PCDH15: variants seen among roughly 807,000 people sequenced by gnomAD.
The protein encoded by PCDH15 is protocadherin-15.
A neutral mutation model predicts 178.5 loss-of-function variants in PCDH15; 129 were observed. The ratio of observed to expected loss-of-function variants is 0.72; its 90% CI spans 0.63 to 0.84. The LOEUF (loss-of-function observed/expected upper bound fraction) is 0.84, where lower values mean the gene tolerates loss of function less well. Ranked by LOEUF, PCDH15 falls within the 40% of genes least tolerant of loss-of-function variation. PCDH15 has a pLI of 0.00. For synonymous variants in PCDH15, 800 were observed against 732.0 expected (o/e 1.09, Z -1.50); for missense variants, 2,230 against 2,099.9 (o/e 1.06, Z -1.21).
intron 2 of PCDH15, among the ~76,000 whole-genome samples, chr10:55,453,887 G>C (rs1839489669): frequency 6.6e-6 from 1 of 152,116 alleles, no homozygotes; most frequent in Admixed American, 6.5e-5. Flanking sequence ...GCTATATCTG[G>C]AGAATCTAAG....
chr10:55,297,371 G>C (rs1843159697), intron 1 of PCDH15, among the ~76,000 whole-genome samples: 1 of 152,048 alleles, frequency 6.6e-6, no homozygotes, highest in Non-Finnish European at 1.5e-5. Flanking sequence ...ACATTAAAAT[G>C]TGTTTAAATC....
chr10:54,873,895 T>C (rs1234824747), intron 3 of PCDH15, among the ~76,000 whole-genome samples: 19 of 150,422 alleles, frequency 1.3e-4, no homozygotes, highest in Admixed American at 1.3e-3. Flanking sequence ...ATAAATAGAT[T>C]TTGAAACTGT....
intron 3 of PCDH15, among the ~76,000 whole-genome samples, chr10:54,851,182 G>T (rs1020828505): frequency 2.0e-5 from 3 of 151,894 alleles, no homozygotes; most frequent in African/African-American, 7.3e-5. Context: ...TCTCCACAAC[G>T]TAATCATTAC....
At chr10:54,643,954 G>T (rs2094058448) in intron 2 of PCDH15, among the ~76,000 whole-genome samples, 1 of 134,780 alleles carries the variant, frequency 7.4e-6, no homozygotes, top group African/African-American at 2.7e-5. Flanking sequence ...ATCTCCTAAT[G>T]CTAACCCTCC....
intron 2 of PCDH15, among the ~76,000 whole-genome samples, chr10:54,551,524 A>G (rs896878289): frequency 2.0e-5 from 3 of 152,124 alleles, no homozygotes; most frequent in Non-Finnish European, 4.4e-5. Context: ...AAAATATTAT[A>G]AAAATAGCTA....
chr10:55,623,076 G>C (rs2250475), intron 2 of PCDH15, among the ~76,000 whole-genome samples: 3 of 151,974 alleles, frequency 2.0e-5, no homozygotes, highest in Non-Finnish European at 2.9e-5. Context: ...TGACCTTTCC[G>C]AAGTATCGCT....
chr10:54,283,029 A>T (rs2058798729), intron 8 of PCDH15, among the ~76,000 whole-genome samples: 1 of 152,140 alleles, frequency 6.6e-6, no homozygotes, highest in African/African-American at 2.4e-5. Context: ...AAGAGTAGGG[A>T]TATATAGAAA....
chr10:54,373,964 C>G (rs1948053321), intron 4 of PCDH15, among the ~76,000 whole-genome samples: 1 of 151,944 alleles, frequency 6.6e-6, no homozygotes, highest in Non-Finnish European at 1.5e-5. Flanking sequence ...CATTAGTTTT[C>G]TTAGTTTGTA....
chr10:54,875,223 T>A (rs1276066772), intron 3 of PCDH15, among the ~76,000 whole-genome samples: 3 of 152,196 alleles, frequency 2.0e-5, no homozygotes, highest in African/African-American at 7.2e-5. Context: ...TGATCTTTGA[T>A]GTTACTATTG....
At chr10:54,613,845 T>C (rs902153682) in intron 2 of PCDH15, among the ~76,000 whole-genome samples, 1 of 151,710 alleles carries the variant, frequency 6.6e-6, no homozygotes, top group Non-Finnish European at 1.5e-5. Context: ...AAAACAATAA[T>C]CCAAATTTGT....
intron 2 of PCDH15, among the ~76,000 whole-genome samples, chr10:55,083,598 T>A (rs969794029): frequency 6.6e-6 from 1 of 151,762 alleles, no homozygotes; most frequent in African/African-American, 2.4e-5. Context: ...AAGGGGCATA[T>A]AAATTGAAAA....
At chr10:54,996,331 A>C (rs10825424) in intron 2 of PCDH15, among the ~76,000 whole-genome samples, 108,575 of 151,554 alleles carry the variant, frequency 0.72, 39,093 homozygotes, top group East Asian at 0.87. Context: ...ATAGCTGGAT[A>C]TGCCGTCCTC....
At chr10:54,622,045 A>T (rs751701109) in intron 2 of PCDH15, among the ~76,000 whole-genome samples, 9 of 151,448 alleles carry the variant, frequency 5.9e-5, no homozygotes, top group Non-Finnish European at 1.3e-4. Flanking sequence ...TTCTGTGCTT[A>T]CTAAATCACC....
chr10:55,247,297 C>T (rs1841701544), intron 1 of PCDH15, among the ~76,000 whole-genome samples: 1 of 152,074 alleles, frequency 6.6e-6, no homozygotes, highest in African/African-American at 2.4e-5. Flanking sequence ...GTGTAGAAAT[C>T]CTACGTACAT....
intron 2 of PCDH15, among the ~76,000 whole-genome samples, chr10:55,110,895 T>G (rs1591911017): frequency 6.6e-6 from 1 of 152,278 alleles, no homozygotes; most frequent in Admixed American, 6.5e-5. Flanking sequence ...AGGCATTGAC[T>G]TATTTTATAT....
chr10:54,051,591 G>C lies in PCDH15; in HGVS notation c.2220+15166C>G, dbSNP rs1035774335. On this transcript the variant is annotated intron_variant, in intron 18 of 37. Coordinates refer to ENST00000644397, the MANE Select transcript of PCDH15 (RefSeq NM_001384140.1). Reference sequence around the variant, plus strand: ...AGGTATCTTGTGGAAATTTCTAAGTGCCAAAGGGTTCAAGAGAAAACAGAG... The same window carrying C: ...AGGTATCTTGTGGAAATTTCTAAGTCCCAAAGGGTTCAAGAGAAAACAGAG... 2.0e-5 allele frequency among the ~76,000 whole-genome samples: 3 copies of C among 152,176 alleles called. No individual in the cohort carries two copies. The East Asian group carries it at 5.8e-4, about 29-fold the overall frequency.
chr10:54,101,323 G>C lies in PCDH15; in HGVS notation c.1918-11260C>G, dbSNP rs141572178. Among the ~76,000 whole-genome samples the C allele has an allele frequency of 8.3e-3, 1,257 of 152,204 alleles. 15 individuals are homozygous for C. Among genetic ancestry groups the C allele is most frequent in the African/African-American group, 0.025 (1,045 of 41,538 alleles). Reference sequence around the variant, plus strand: ...AGTCTCTGGTATGTCTTTATCAGCAGCTTGAAAATGGACTAATACATTGGT... The same window carrying C: ...AGTCTCTGGTATGTCTTTATCAGCACCTTGAAAATGGACTAATACATTGGT... On this transcript the variant is annotated intron_variant, in intron 15 of 37. Transcript: ENST00000644397.
chr10:54,377,427 C>T (rs12761151), intron 4 of PCDH15, among the ~76,000 whole-genome samples: 8,118 of 152,036 alleles, frequency 0.053, 253 homozygotes, highest in Admixed American at 0.098. Context: ...GAATAAAAGC[C>T]CTTATGCTTT....
At chr10:55,393,633 C>G (rs1190988538) in intron 2 of PCDH15, among the ~76,000 whole-genome samples, 1 of 152,106 alleles carries the variant, frequency 6.6e-6, no homozygotes, top group African/African-American at 2.4e-5. Context: ...CCTTAAACTA[C>G]AAGAAAACCC....
Sources: gnomAD v4.1 joint callset for allele counts (sites outside exome capture counted in the v4.1 genomes callset) on GRCh38, gnomAD v4.1.1 for gene constraint, MANE v1.5 for transcripts, NCBI Gene and HGNC (gene_info 2026-07-23, HGNC 2026-07-21) for gene names.